The following TENM1 variants were observed in gnomAD, a reference collection of about 807,000 sequenced individuals.
TENM1 encodes the protein teneurin-1.
TENM1 carries 35 observed loss-of-function variants against 174.8 expected under a neutral mutation model. That is an observed-to-expected ratio of 0.20 (90% CI 0.15 to 0.27). The LOEUF (loss-of-function observed/expected upper bound fraction) is 0.27. TENM1 is among the 10% of genes least tolerant of loss of function. The pLI is 1.00. For missense variants in TENM1, 1,633 were observed against 2,130.1 expected, an observed-to-expected ratio of 0.77 and a Z score of 4.59; for synonymous variants, 781 against 798.7, an observed-to-expected ratio of 0.98 and a Z score of 0.37.
exon 28 of TENM1, chrX:124,392,055 T>C (rs757048994): frequency 8.4e-7 from 1 of 1,193,363 alleles, no homozygotes; most frequent in South Asian, 1.8e-5. Context: ...TACTTACTTT[T>C]TCTAAGTAGG....
intron 21 of TENM1, among the ~76,000 whole-genome samples, chrX:124,483,748 C>A (rs1486774379): frequency 8.9e-6 from 1 of 111,960 alleles, no homozygotes; most frequent in Admixed American, 9.5e-5. Flanking sequence ...ATACACACAG[C>A]TTCTTTCTTT....
chrX:124,505,036 T>G (rs1197032949), intron 18 of TENM1, among the ~76,000 whole-genome samples: 4 of 112,355 alleles, frequency 3.6e-5, no homozygotes, highest in African/African-American at 1.3e-4. Flanking sequence ...TGTCCTCCAC[T>G]CTACCAAAGC....
chrX:124,888,214 T>C (rs367639537), intron 3 of TENM1, among the ~76,000 whole-genome samples: 19 of 111,637 alleles, frequency 1.7e-4, no homozygotes, highest in African/African-American at 5.9e-4. Context: ...TTAGGTTCTG[T>C]GGTATGCAGT....
chrX:125,184,667 C>A, the TENM1 span, among the ~76,000 whole-genome samples: 2 of 111,676 alleles, frequency 1.8e-5, no homozygotes, highest in African/African-American at 6.5e-5. Context: ...TTCTTTTTTA[C>A]ATACTCTTAA....
the TENM1 span, among the ~76,000 whole-genome samples, chrX:125,092,312 T>C: frequency 9.0e-6 from 1 of 111,688 alleles, no homozygotes; most frequent in South Asian, 3.7e-4. Context: ...TTGGGAAAGG[T>C]TCTGTTAAAC....
chrX:125,186,285 C>T, the TENM1 span, among the ~76,000 whole-genome samples: 2 of 111,721 alleles, frequency 1.8e-5, no homozygotes, highest in African/African-American at 3.2e-5. Context: ...GTGGCAGAGC[C>T]AGGATTAGAA....
At chrX:124,469,004 A>G (rs1021946346) in intron 22 of TENM1, among the ~76,000 whole-genome samples, 4 of 111,809 alleles carry the variant, frequency 3.6e-5, no homozygotes, top group African/African-American at 1.3e-4. Flanking sequence ...AGTTAATATC[A>G]TAGCACATGT....
At chrX:124,653,115 A>C (rs1295380947) in intron 7 of TENM1, among the ~76,000 whole-genome samples, 1 of 112,022 alleles carries the variant, frequency 8.9e-6, no homozygotes, top group Non-Finnish European at 1.9e-5. Context: ...AAAATCATAG[A>C]AGTTTTACAC....
At chrX:124,484,026 T>C (rs1173296217) in intron 21 of TENM1, among the ~76,000 whole-genome samples, 1 of 112,383 alleles carries the variant, frequency 8.9e-6, no homozygotes, top group Non-Finnish European at 1.9e-5. Flanking sequence ...TTAGTCGTCA[T>C]GTCTTCTTAG....
At chrX:124,537,455 A>G (rs2048229129) in intron 15 of TENM1, among the ~76,000 whole-genome samples, 1 of 111,900 alleles carries the variant, frequency 8.9e-6, no homozygotes, top group Admixed American at 9.5e-5. Context: ...TGCACTTAAC[A>G]CAGCTCATAA....
intron 4 of TENM1, among the ~76,000 whole-genome samples, chrX:124,726,046 T>C: frequency 8.9e-6 from 1 of 112,030 alleles, no homozygotes; most frequent in East Asian, 2.8e-4. Flanking sequence ...AAATGATGGG[T>C]ACAGAGATTT....
chrX:124,853,102 C>T (rs927325298), intron 3 of TENM1, among the ~76,000 whole-genome samples: 1 of 111,461 alleles, frequency 9.0e-6, no homozygotes, highest in Non-Finnish European at 1.9e-5. Context: ...AATCCTTGCC[C>T]TATGGAGTTT....
At chrX:125,154,238 A>AT in the TENM1 span, among the ~76,000 whole-genome samples, 3 of 112,164 alleles carry the variant, frequency 2.7e-5, no homozygotes, top group East Asian at 5.6e-4. Context: ...CTGGCATTAC[A>AT]TTTTTTTAAT....
chrX:124,881,735 G>T (rs747090844), intron 3 of TENM1, among the ~76,000 whole-genome samples: 23 of 96,731 alleles, frequency 2.4e-4, no homozygotes, highest in East Asian at 6.4e-4. Flanking sequence ...GTTTTGTTTT[G>T]TTTTTTTTTT....
At chrX:124,795,046 C>T (rs1263743158) in intron 3 of TENM1, among the ~76,000 whole-genome samples, 2 of 111,656 alleles carry the variant, frequency 1.8e-5, no homozygotes, top group East Asian at 5.6e-4. Flanking sequence ...CAATCACCTC[C>T]CTTATTCTCT....
chrX:124,822,405 T>G (rs2056058981), intron 3 of TENM1, among the ~76,000 whole-genome samples: 1 of 112,103 alleles, frequency 8.9e-6, no homozygotes, highest in Non-Finnish European at 1.9e-5. Context: ...TAATGCTTAT[T>G]ATATACCAGA....
intron 17 of TENM1, among the ~76,000 whole-genome samples, chrX:124,522,474 A>G (rs1033685484): frequency 1.8e-5 from 2 of 111,127 alleles, no homozygotes; most frequent in Non-Finnish European, 3.8e-5. Context: ...TGTTCAATAA[A>G]GAATAATTCT....
At chrX:125,140,628 T>C in the TENM1 span, among the ~76,000 whole-genome samples, 1 of 112,296 alleles carries the variant, frequency 8.9e-6, no homozygotes, top group African/African-American at 3.2e-5. Context: ...ATAGAAATGA[T>C]AAATGCTTGA....
intron 23 of TENM1, among the ~76,000 whole-genome samples, chrX:124,435,094 A>G (rs1051174786): frequency 7.2e-5 from 8 of 111,693 alleles, no homozygotes; most frequent in Non-Finnish European, 1.5e-4. Flanking sequence ...TGATGAGCCC[A>G]TAAAGTCTGA....
Sources: gnomAD v4.1 joint callset for allele counts (sites outside exome capture counted in the v4.1 genomes callset) on GRCh38, gnomAD v4.1.1 for gene constraint, MANE v1.5 for transcripts, NCBI Gene and HGNC (gene_info 2026-07-23, HGNC 2026-07-21) for gene names.